The following LPA variants were observed in gnomAD, a reference collection of about 807,000 sequenced individuals.
LPA encodes apolipoprotein(a).
A neutral mutation model predicts 197.9 loss-of-function variants in LPA; 199 were observed. That is an observed-to-expected ratio of 1.01 (90% CI 0.90 to 1.13). The LOEUF (loss-of-function observed/expected upper bound fraction) is 1.13. Ranked by LOEUF, LPA falls within the 50% of genes most tolerant of loss-of-function variation. The pLI is 0.00. For synonymous variants in LPA, 715 were observed against 639.5 expected, an observed-to-expected ratio of 1.12 and a Z score of -1.78; for missense variants, 1,853 against 1,785.8, an observed-to-expected ratio of 1.04 and a Z score of -0.68.
At chr6:160,534,378 C>G (rs1218403913) in intron 37 of LPA, among the ~76,000 whole-genome samples, 1 of 152,230 alleles carries the variant, frequency 6.6e-6, no homozygotes, top group Non-Finnish European at 1.5e-5. Context: ...TATGTGCTGC[C>G]ATCTCGTGGC....
At chr6:160,554,767 G>T (rs1001290971) in intron 30 of LPA, among the ~76,000 whole-genome samples, 15 of 151,792 alleles carry the variant, frequency 9.9e-5, no homozygotes, top group Non-Finnish European at 2.2e-4. Flanking sequence ...TATTCCTTCA[G>T]CTCCTTTTCA....
intron 28 of LPA, among the ~76,000 whole-genome samples, chr6:160,558,470 G>T (rs574562279): frequency 3.9e-5 from 6 of 152,278 alleles, no homozygotes; most frequent in South Asian, 4.1e-4. Flanking sequence ...GGTAGATCAA[G>T]TGTGTCTGGC....
chr6:160,652,798 T>C (rs1780030188), intron 1 of LPA, among the ~76,000 whole-genome samples: 1 of 152,040 alleles, frequency 6.6e-6, no homozygotes, highest in Admixed American at 6.6e-5. Context: ...AGAAGTGCAA[T>C]GATGTAAGAT....
At chr6:160,591,979 T>A (rs1398243479) in intron 22 of LPA, among the ~76,000 whole-genome samples, 1 of 152,216 alleles carries the variant, frequency 6.6e-6, no homozygotes, top group East Asian at 1.9e-4. Flanking sequence ...TTAACTATGA[T>A]GTACCCCAGT....
At chr6:160,591,887 A>T (rs532595642) in intron 22 of LPA, among the ~76,000 whole-genome samples, 7 of 152,238 alleles carry the variant, frequency 4.6e-5, no homozygotes, top group African/African-American at 1.4e-4. Flanking sequence ...CTAGATATTT[A>T]AGCTGTGGTC....
Position 160,537,952 on chromosome 6 carries a change from G to A in LPA, c.5745C>T (p.Val1915=). The part of the protein sequence containing the change: ...IALLKLSRPA[V]ITDKVMPACL... Reference sequence around the variant, plus strand: ...AAGCTGGCATTACTTTGTCAGTGATGACGGCAGGCCTGTAAGGAAAGTATT... The same window carrying A: ...AAGCTGGCATTACTTTGTCAGTGATAACGGCAGGCCTGTAAGGAAAGTATT... The change falls in exon 37 of 39, where the codon GTC becomes GTT. Residue 1915 remains valine (V), a synonymous_variant. Transcript: ENST00000316300. 6.2e-7 allele frequency: 1 copy of A among 1,614,194 alleles called. No homozygotes were observed. The highest frequency in any genetic ancestry group is 8.5e-7 in the Non-Finnish European group (1 of 1,179,996).
intron 22 of LPA, among the ~76,000 whole-genome samples, chr6:160,591,879 A>G (rs1258814195): frequency 6.6e-6 from 1 of 152,194 alleles, no homozygotes; most frequent in African/African-American, 2.4e-5. Context: ...TTCCTTGCCT[A>G]GATATTTAAG....
intron 21 of LPA, among the ~76,000 whole-genome samples, chr6:160,595,069 G>A (rs763342639): frequency 6.6e-6 from 1 of 152,140 alleles, no homozygotes; most frequent in Non-Finnish European, 1.5e-5. Context: ...ATATTCTTCT[G>A]GCTAAGACAC....
At chr6:160,570,766 C>T (rs6903649) in intron 28 of LPA, among the ~76,000 whole-genome samples, 122,151 of 152,190 alleles carry the variant, frequency 0.8, 49,891 homozygotes, top group East Asian at 1. Flanking sequence ...TGGCTGCCCT[C>T]AACATTTTTT....
At position 160,578,566 on chromosome 6, in the gene LPA, G is replaced by C. The variant is rs1236994102; in HGVS notation, c.4428C>G (p.Pro1476=). The C allele has an allele frequency of 1.2e-5, 19 of 1,613,898 alleles. No homozygotes were observed. The highest frequency in any genetic ancestry group is 1.6e-5 in the Non-Finnish European group (19 of 1,179,804). ...CTGTGCTTGGAACCGGGGCCACTGT[G>C]GGAGTTGTGAGGACACTCGATTCTG... The part of the protein sequence containing the change: ...PVTESSVLTT[P]TVAPVPSTEA... Residue 1476 remains proline, a synonymous_variant, in exon 27 of 39, where the codon CCC becomes CCG. Coordinates refer to ENST00000316300, the MANE Select transcript of LPA (RefSeq NM_005577.4).
intron 30 of LPA, among the ~76,000 whole-genome samples, chr6:160,549,357 A>G (rs1050259433): frequency 6.6e-6 from 1 of 152,212 alleles, no homozygotes; most frequent in Non-Finnish European, 1.5e-5. Flanking sequence ...CCTTCTGCCA[A>G]GCACATACCC....
chr6:160,581,540 A>T (rs550602460), intron 26 of LPA, among the ~76,000 whole-genome samples: 1 of 152,252 alleles, frequency 6.6e-6, no homozygotes, highest in Admixed American at 6.5e-5. Flanking sequence ...CATCTCAGGC[A>T]ATCCTCTCAT....
chr6:160,654,993 A>C (rs971716333), intron 1 of LPA, among the ~76,000 whole-genome samples: 3 of 152,160 alleles, frequency 2.0e-5, no homozygotes, highest in Admixed American at 6.5e-5. Flanking sequence ...TGAGTGGAGA[A>C]CATGGGCATT....
At chr6:160,595,653 A>C in intron 20 of LPA, 118 bp from the exon 21 acceptor site, 1 of 1,442,838 alleles carries the variant, frequency 6.9e-7, no homozygotes, top group Non-Finnish European at 9.6e-7. Context: ...ATTTTCACTA[A>C]AGGTCCCATA....
chr6:160,572,737 A>G (rs746539318), intron 28 of LPA, among the ~76,000 whole-genome samples: 4 of 152,216 alleles, frequency 2.6e-5, no homozygotes, highest in African/African-American at 7.2e-5. Flanking sequence ...TAGGGCTCCA[A>G]TCCTTTATAG....
chr6:160,539,445 G>T (rs114649012), intron 36 of LPA, among the ~76,000 whole-genome samples: 136 of 142,642 alleles, frequency 9.5e-4, no homozygotes, highest in Non-Finnish European at 1.4e-3. Context: ...TGTTGTGTGG[G>T]TTTTTTTTTT....
intron 37 of LPA, among the ~76,000 whole-genome samples, chr6:160,533,444 G>T (rs150166922): frequency 6.6e-6 from 1 of 152,278 alleles, no homozygotes; most frequent in African/African-American, 2.4e-5. Flanking sequence ...AGGTTGTATA[G>T]CTCAGCTTGA....
intron 17 of LPA, among the ~76,000 whole-genome samples, chr6:160,605,544 C>T (rs1193722417): frequency 3.9e-5 from 6 of 152,194 alleles, no homozygotes; most frequent in Non-Finnish European, 8.8e-5. Context: ...GGAATTTCTA[C>T]TGAATGTTCA....
intron 35 of LPA, 75 bp from the exon 36 acceptor site, chr6:160,540,258 G>A (rs539190524): frequency 2.5e-5 from 40 of 1,576,064 alleles, no homozygotes; most frequent in East Asian, 2.2e-4. Context: ...TGAACTTGGC[G>A]CTGTCCCTCT....
Sources: gnomAD v4.1 joint callset for allele counts (sites outside exome capture counted in the v4.1 genomes callset) on GRCh38, gnomAD v4.1.1 for gene constraint, MANE v1.5 for transcripts, NCBI Gene and HGNC (gene_info 2026-07-23, HGNC 2026-07-21) for gene names.